The following SH2B3 variants were observed in gnomAD, a reference collection of about 807,000 sequenced individuals.
SH2B3 encodes the protein SH2B adaptor protein 3.
SH2B3 carries 43 observed loss-of-function variants against 51.9 expected under a neutral mutation model. The ratio of observed to expected loss-of-function variants is 0.83; its 90% confidence interval spans 0.65 to 1.07. The LOEUF (loss-of-function observed/expected upper bound fraction) is 1.07, where lower values mean the gene tolerates loss of function less well. SH2B3 is among the 50% of genes least tolerant of loss of function. The probability of loss-of-function intolerance (pLI) is 0.00; values close to 1 mark genes in which losing one functional copy is unlikely to be tolerated. For synonymous variants in SH2B3, 396 were observed against 376.0 expected (o/e 1.05, Z -0.62); for missense variants, 952 against 834.3 (o/e 1.14, Z -1.74).
At chr12:111,428,086 G>A (rs976453273) in intron 2 of SH2B3, among the ~76,000 whole-genome samples, 3 of 152,204 alleles carry the variant, frequency 2.0e-5, no homozygotes, top group Non-Finnish European at 4.4e-5. Flanking sequence ...ATGGGTGGGG[G>A]CACCTGTTTT....
rs955977509 is a variant in SH2B3, at chr12:111,406,867, C to T, written c.-28+590C>T. ...TGCTGAATTGGGCGGTTCACCAGGGCTAGGCGTCCCAGAGACAGGTTTCTG... is the reference window on the plus strand; with the variant it reads ...TGCTGAATTGGGCGGTTCACCAGGGTTAGGCGTCCCAGAGACAGGTTTCTG... On this transcript the variant is annotated intron_variant, in intron 1 of 7. Coordinates refer to ENST00000341259, the MANE Select transcript of SH2B3 (RefSeq NM_005475.3). This position sits in a 1 kb window ranked among gnomAD's most constrained non-coding sequence, Gnocchi z 5.7. Among the ~76,000 whole-genome samples the T allele has an allele frequency of 6.6e-6, 1 of 152,192 alleles. No individual in the cohort carries two copies. The highest frequency in any genetic ancestry group is 1.5e-5 in the Non-Finnish European group (1 of 68,018).
intron 2 of SH2B3, among the ~76,000 whole-genome samples, chr12:111,427,387 GGAAAAAAAAAA>G (rs1420897557): frequency 4.2e-5 from 3 of 71,402 alleles, no homozygotes; most frequent in African/African-American, 3.0e-4. Context: ...CTCCATCTCA[GGAAAAAAAAAA>G]AAAAAAAAAA....
intron 1 of SH2B3, among the ~76,000 whole-genome samples, chr12:111,415,980 T>C (rs1017406022): frequency 2.0e-5 from 3 of 151,756 alleles, no homozygotes; most frequent in Non-Finnish European, 2.9e-5. Flanking sequence ...CTCGCTCTGT[T>C]GCCCAGGCTG....
At position 111,438,919 on chromosome 12, in the gene SH2B3, G is replaced by A. The variant is rs907391706; in HGVS notation, c.733-7834G>A. Among the ~76,000 whole-genome samples, 8 of 152,212 alleles carry A rather than the reference G, an allele frequency of 5.3e-5. No individual in the cohort carries two copies. Among genetic ancestry groups the A allele is most frequent in the Admixed American group, 2.6e-4 (4 of 15,274 alleles). ...GCGAGGGAGGGAGGCCCAAGAGGCT[G>A]AGGAGGTAACAAGGGTCTCTCAGAT... is the stretch of plus-strand genomic sequence containing the variant. On this transcript the variant is annotated intron_variant, in intron 2 of 7. Transcript: ENST00000341259. The surrounding 1 kb of genome is among the most constrained non-coding windows in gnomAD (Gnocchi z 4.2).
chr12:111,445,207 C>G (rs1873813467), intron 2 of SH2B3, among the ~76,000 whole-genome samples: 1 of 152,180 alleles, frequency 6.6e-6, no homozygotes, highest in Admixed American at 6.5e-5. Context: ...CCCTCCAGGC[C>G]TGGCCTATAT....
chr12:111,446,295 G>T (rs777223295), intron 2 of SH2B3, among the ~76,000 whole-genome samples: 21 of 152,226 alleles, frequency 1.4e-4, no homozygotes, highest in Non-Finnish European at 2.5e-4. Context: ...AGCCCTATGT[G>T]CCGGGTGTCC....
rs935053955 is a variant in SH2B3, at chr12:111,448,692, G to T, written c.*390G>T. 2 of 210,368 alleles carry T rather than the reference G, an allele frequency of 9.5e-6. No individual in the cohort carries two copies. Among genetic ancestry groups the T allele is most frequent in the Admixed American group, 1.0e-4 (2 of 19,130 alleles). The allele number at this position is 210,368 out of a possible 1,614,324, so 13.0% of individuals were successfully genotyped here. ...TGACAGACTTTCTACGGGGAGGAGGGGGGGATCATCAGGAAGCCCAGAACA... is the reference window on the plus strand; with the variant it reads ...TGACAGACTTTCTACGGGGAGGAGGTGGGGATCATCAGGAAGCCCAGAACA... On this transcript the variant is annotated 3_prime_UTR_variant, in exon 8 of 8. Transcript: ENST00000341259.
chr12:111,442,418 AGAGGCGTGGCT>A (rs1290691403), intron 2 of SH2B3, among the ~76,000 whole-genome samples: 2 of 151,620 alleles, frequency 1.3e-5, no homozygotes, highest in Non-Finnish European at 3.0e-5. Context: ...TAGGTGTGGC[AGAGGCGTGGCT>A]GGTGCTGGAG....
At chr12:111,420,978 G>A (rs1479112314) in intron 2 of SH2B3, among the ~76,000 whole-genome samples, 3 of 152,132 alleles carry the variant, frequency 2.0e-5, no homozygotes, top group African/African-American at 4.8e-5. Context: ...CTGTGTTTCC[G>A]TGTGTGTGCA....
At chr12:111,439,074 G>C (rs918379470) in intron 2 of SH2B3, among the ~76,000 whole-genome samples, 1 of 152,220 alleles carries the variant, frequency 6.6e-6, no homozygotes, top group African/African-American at 2.4e-5. Context: ...CCGGGTTCAA[G>C]TGATTCTCCT....
chr12:111,422,566 T>C (rs549087537), intron 2 of SH2B3, among the ~76,000 whole-genome samples: 27 of 151,834 alleles, frequency 1.8e-4, no homozygotes, highest in African/African-American at 6.5e-4. Context: ...CAGTTTTGTT[T>C]TTTTTTTTTC....
Position 111,409,681 on chromosome 12 carries a change from C to T in SH2B3, c.-28+3404C>T, listed in dbSNP as rs1234939036. Among the ~76,000 whole-genome samples, 4 of 152,306 alleles carry T rather than the reference C, an allele frequency of 2.6e-5. No homozygotes were observed. Among genetic ancestry groups the T allele is most frequent in the Middle Eastern group, 3.4e-3 (1 of 294 alleles). ...CCTGCACCCCACCTCCCCAGCTTCC[C>T]GGGGCTTGAGATCCCTTGGAGACTG... On this transcript the variant is annotated intron_variant, in intron 1 of 7. Transcript: ENST00000341259. The surrounding 1 kb of genome is among the most constrained non-coding windows in gnomAD (Gnocchi z 4.0).
intron 2 of SH2B3, among the ~76,000 whole-genome samples, chr12:111,437,059 A>G (rs1443517506): frequency 1.8e-4 from 27 of 152,010 alleles, no homozygotes. Context: ...TGTCACACTC[A>G]CCATGTCTGT....
intron 2 of SH2B3, among the ~76,000 whole-genome samples, chr12:111,420,468 C>A (rs1715752298): frequency 6.6e-6 from 1 of 152,040 alleles, no homozygotes; most frequent in Admixed American, 6.6e-5. Context: ...ACTCACCTGC[C>A]AGGCTCCATC....
rs148663265 is a variant in SH2B3, at chr12:111,407,721, T to G, written c.-28+1444T>G. ...CCAAAGGGTGAGCATTCCTAGAACT[T>G]TTGTGAGTCCCTGTGGGCCACAGAG... On this transcript the variant is annotated intron_variant, in intron 1 of 7. Coordinates refer to ENST00000341259, the MANE Select transcript of SH2B3 (RefSeq NM_005475.3). The surrounding 1 kb of genome is among the most constrained non-coding windows in gnomAD (Gnocchi z 4.3). 1.3e-5 allele frequency among the ~76,000 whole-genome samples: 2 copies of G among 152,218 alleles called. No homozygotes were observed. The highest frequency in any genetic ancestry group is 3.9e-4 in the East Asian group (2 of 5,168).
chr12:111,428,911 G>A (rs980550369), intron 2 of SH2B3, among the ~76,000 whole-genome samples: 4 of 152,158 alleles, frequency 2.6e-5, no homozygotes, highest in Admixed American at 6.5e-5. Flanking sequence ...GAGCCTGGGC[G>A]GGGATGCAGG....
chr12:111,432,237 A>G (rs921307223), intron 2 of SH2B3, among the ~76,000 whole-genome samples: 20 of 151,528 alleles, frequency 1.3e-4, no homozygotes, highest in Non-Finnish European at 1.9e-4. Context: ...TTTTTAGTAG[A>G]GACGGGGTTT....
Position 111,407,177 on chromosome 12 carries a change from A to G in SH2B3, c.-28+900A>G, listed in dbSNP as rs1870313559. 6.6e-6 allele frequency among the ~76,000 whole-genome samples: 1 copy of G among 151,952 alleles called. No individual in the cohort carries two copies. Among genetic ancestry groups the G allele is most frequent in the African/African-American group, 2.4e-5 (1 of 41,328 alleles). On this transcript the variant is annotated intron_variant, in intron 1 of 7. Coordinates refer to ENST00000341259, the MANE Select transcript of SH2B3 (RefSeq NM_005475.3). This position sits in a 1 kb window ranked among gnomAD's most constrained non-coding sequence, Gnocchi z 4.3. ...CCTCATTCTCCTGTTTCTCTTCCCC[A>G]TTCCCAGCCACAATGATGTAGGTGA...
chr12:111,422,750 T>C (rs761873318), intron 2 of SH2B3, among the ~76,000 whole-genome samples: 37 of 151,586 alleles, frequency 2.4e-4, no homozygotes, highest in Non-Finnish European at 4.1e-4. Context: ...TTAGTAGAGA[T>C]GGGTTTTCGC....
Sources: gnomAD v4.1 joint callset for allele counts (sites outside exome capture counted in the v4.1 genomes callset) on GRCh38, gnomAD v4.1.1 for gene constraint, Gnocchi (gnomAD v3.1) non-coding constraint, MANE v1.5 for transcripts, NCBI Gene and HGNC (gene_info 2026-07-23, HGNC 2026-07-21) for gene names.